KIRREL3: variants seen among roughly 807,000 people sequenced by gnomAD.
The protein encoded by KIRREL3 is kin of IRRE-like protein 3.
KIRREL3 carries 36 observed loss-of-function variants against 89.7 expected under a neutral mutation model. The ratio of observed to expected loss-of-function variants is 0.40; its 90% CI spans 0.31 to 0.53. The LOEUF (loss-of-function observed/expected upper bound fraction) is 0.53. Among genes scored for constraint, KIRREL3 ranks in the 20% least tolerant of loss-of-function variants. KIRREL3 has a pLI of 0.49. For synonymous variants in KIRREL3, 445 were observed against 441.4 expected, an observed-to-expected ratio of 1.01 and a Z score of -0.10; for missense variants, 864 against 1,056.6, an observed-to-expected ratio of 0.82 and a Z score of 2.53.
intron 1 of KIRREL3, among the ~76,000 whole-genome samples, chr11:126,840,296 G>A (rs1379583321): frequency 6.6e-6 from 1 of 152,162 alleles, no homozygotes; most frequent in African/African-American, 2.4e-5. Flanking sequence ...ATGAGCATAA[G>A]GATTGGCTCA....
chr11:126,540,722 C>T lies in KIRREL3; in HGVS notation c.134-14035G>A, dbSNP rs184692071. ...ATGGCAGAGCCCATCCATCCCTGCC[C>T]GAGGTCACCTGGAGGTCTAAATGAG... On this transcript the variant is annotated intron_variant, in intron 2 of 16. Transcript: ENST00000525144. Among the ~76,000 whole-genome samples the T allele has an allele frequency of 1.3e-3, 191 of 152,306 alleles. 2 individuals are homozygous for T. The highest frequency in any genetic ancestry group is 2.7e-3 in the Admixed American group (41 of 15,302).
chr11:126,567,607 G>A (rs996592650), intron 1 of KIRREL3, among the ~76,000 whole-genome samples: 14 of 152,240 alleles, frequency 9.2e-5, no homozygotes, highest in African/African-American at 2.9e-4. Context: ...CCTGCAGGGA[G>A]CAGCATCACA....
At chr11:126,727,018 G>A (rs917958048) in intron 1 of KIRREL3, among the ~76,000 whole-genome samples, 2 of 152,274 alleles carry the variant, frequency 1.3e-5, no homozygotes, top group East Asian at 1.9e-4. Context: ...AGATTTCCGC[G>A]TAGCCTACCT....
chr11:126,649,733 A>G (rs1459766675), intron 1 of KIRREL3, among the ~76,000 whole-genome samples: 1 of 152,132 alleles, frequency 6.6e-6, no homozygotes, highest in Non-Finnish European at 1.5e-5. Flanking sequence ...CGGCTCTTCC[A>G]GGTGAACGGT....
Position 126,446,830 on chromosome 11 carries a change from C to T in KIRREL3, c.1054G>A (p.Ala352Thr). ...CCGGTCCAGGCGCAGCTGAAGATGG[C>T]ATCAGAGCCCAGATCCACGAGCAAG... ...QSLLVDLGSD[A>T]IFSCAWTGNP... The change falls in exon 9 of 17, where the codon GCC becomes ACC. Residue 352 changes from alanine to threonine, a missense_variant. Transcript: ENST00000525144. 1 of 1,602,282 alleles carries T rather than the reference C, an allele frequency of 6.2e-7. No individual in the cohort carries two copies.
intron 10 of KIRREL3, 161 bp from the exon 11 acceptor site, chr11:126,440,710 A>G (rs1462133612): frequency 5.8e-6 from 4 of 686,496 alleles, no homozygotes; most frequent in Non-Finnish European, 1.0e-5. Flanking sequence ...GGACTCAGAG[A>G]TAAATTAGGC....
At chr11:126,451,741 G>A (rs1218139649) in intron 7 of KIRREL3, among the ~76,000 whole-genome samples, 1 of 152,230 alleles carries the variant, frequency 6.6e-6, no homozygotes, top group African/African-American at 2.4e-5. Flanking sequence ...TGTGAAGTTG[G>A]GGGCTTCCTT....
chr11:126,784,604 A>T (rs115253836), intron 1 of KIRREL3, among the ~76,000 whole-genome samples: 2 of 123,112 alleles, frequency 1.6e-5, no homozygotes, highest in African/African-American at 6.0e-5. Context: ...CTTAGCGCTT[A>T]TCCTGCACCT....
chr11:126,923,098 TCTTCTCCTTCTC>T (rs201230668), intron 1 of KIRREL3, among the ~76,000 whole-genome samples: 4 of 89,062 alleles, frequency 4.5e-5, no homozygotes, highest in East Asian at 5.3e-4. Flanking sequence ...TTCTTCTTCT[TCTTCTCCTTCTC>T]CTTCTCCTTC....
intron 1 of KIRREL3, among the ~76,000 whole-genome samples, chr11:126,868,605 G>A (rs916742424): frequency 6.6e-6 from 1 of 152,320 alleles, no homozygotes. Flanking sequence ...GGAGGGTAAA[G>A]TGTAGGAGTG....
chr11:126,923,809 C>A (rs1418171653), intron 1 of KIRREL3, among the ~76,000 whole-genome samples: 1 of 152,156 alleles, frequency 6.6e-6, no homozygotes, highest in Non-Finnish European at 1.5e-5. Context: ...AACCATAGAA[C>A]AGGTTTCTCT....
At chr11:126,966,068 G>C (rs1949262019) in intron 1 of KIRREL3, among the ~76,000 whole-genome samples, 4 of 152,060 alleles carry the variant, frequency 2.6e-5, no homozygotes, top group Non-Finnish European at 5.9e-5. Context: ...CTGATGCCAG[G>C]GTCTGAGGAA....
chr11:126,968,902 G>C (rs1216589067), intron 1 of KIRREL3, among the ~76,000 whole-genome samples: 1 of 152,138 alleles, frequency 6.6e-6, no homozygotes, highest in Non-Finnish European at 1.5e-5. Flanking sequence ...ACCTCTCTGA[G>C]ACTCAGTTCC....
intron 1 of KIRREL3, among the ~76,000 whole-genome samples, chr11:126,962,188 T>G (rs1383591428): frequency 6.6e-6 from 1 of 152,228 alleles, no homozygotes; most frequent in Non-Finnish European, 1.5e-5. Context: ...TACATTTTGT[T>G]GAGGCTCTAG....
chr11:126,437,510 C>T (rs1263320518), intron 11 of KIRREL3, among the ~76,000 whole-genome samples: 1 of 152,158 alleles, frequency 6.6e-6, no homozygotes, highest in African/African-American at 2.4e-5. Context: ...CACACATAAA[C>T]ATGCATCACA....
Position 126,611,600 on chromosome 11 carries a change from G to A in KIRREL3, c.56-48688C>T, listed in dbSNP as rs1406951166. On this transcript the variant is annotated intron_variant, in intron 1 of 16. Transcript: ENST00000525144. The surrounding 1 kb of genome is among the most constrained non-coding windows in gnomAD (Gnocchi z 4.7). ...TGTCGTGAGGGCAATGGCCTGCAGA[G>A]TCCAAAGGTGGCTGTCATGTCATTT... Among the ~76,000 whole-genome samples, 1 of 152,146 alleles carries A rather than the reference G, an allele frequency of 6.6e-6. No homozygotes were observed. Among genetic ancestry groups the A allele is most frequent in the African/African-American group, 2.4e-5 (1 of 41,418 alleles).
At chr11:126,593,810 C>G (rs61160518) in intron 1 of KIRREL3, among the ~76,000 whole-genome samples, 3,587 of 152,232 alleles carry the variant, frequency 0.024, 141 homozygotes, top group African/African-American at 0.082. Flanking sequence ...AAGCCAGGTT[C>G]TGAGTCATGG....
intron 5 of KIRREL3, among the ~76,000 whole-genome samples, chr11:126,467,123 C>T (rs550944526): frequency 2.0e-5 from 3 of 152,232 alleles, no homozygotes; most frequent in Non-Finnish European, 4.4e-5. Flanking sequence ...TGGGTATGTG[C>T]GCGTACCTGT....
rs537609696 is a variant in KIRREL3 at position 126,639,554 on chromosome 11, A to C, written c.56-76642T>G. The stretch of plus-strand genomic sequence containing the variant: ...CAGATGCTAACCAACCACCAATTGC[A>C]TCCCAGGACAGTTGCTGAAAGTCTC... On this transcript the variant is annotated intron_variant, in intron 1 of 16. Transcript: ENST00000525144. This position sits in a 1 kb window ranked among gnomAD's most constrained non-coding sequence, Gnocchi z 4.3. 2.6e-5 allele frequency among the ~76,000 whole-genome samples: 4 copies of C among 152,356 alleles called. No homozygotes were observed. The highest frequency in any genetic ancestry group is 2.1e-4 in the South Asian group (1 of 4,820).
Sources: allele counts gnomAD v4.1 joint callset (sites outside exome capture counted in the v4.1 genomes callset), GRCh38; gene constraint gnomAD v4.1.1; non-coding constraint Gnocchi (gnomAD v3.1); transcripts MANE v1.5; gene names NCBI Gene and HGNC (gene_info 2026-07-23, HGNC 2026-07-21).